The following MEIOB variants were observed in gnomAD, a reference collection of about 807,000 sequenced individuals.
MEIOB encodes the protein meiosis specific with OB-fold.
A neutral mutation model predicts 53.1 loss-of-function variants in MEIOB; 50 were observed. The ratio of observed to expected loss-of-function variants is 0.94; its 90% CI spans 0.75 to 1.19. MEIOB has a LOEUF of 1.19. Ranked by LOEUF, MEIOB falls within the 50% of genes most tolerant of loss-of-function variation. The pLI is 0.00. For missense variants in MEIOB, 551 were observed against 550.8 expected, an observed-to-expected ratio of 1.00 and a Z score of 0.00; for synonymous variants, 192 against 182.5, an observed-to-expected ratio of 1.05 and a Z score of -0.42.
chr16:1,859,003 A>G (rs1899377433), intron 5 of MEIOB, among the ~76,000 whole-genome samples: 1 of 152,180 alleles, frequency 6.6e-6, no homozygotes. Context: ...AAGACCTTTG[A>G]TCTCATGAGG....
chr16:1,847,801 G>A (rs1899063462), intron 9 of MEIOB, among the ~76,000 whole-genome samples: 1 of 152,008 alleles, frequency 6.6e-6, no homozygotes, highest in African/African-American at 2.4e-5. Flanking sequence ...GGCAGGGCAG[G>A]GACTGAAATA....
At chr16:1,852,500 A>T (rs1364595459) in intron 9 of MEIOB, among the ~76,000 whole-genome samples, 2 of 150,816 alleles carry the variant, frequency 1.3e-5, no homozygotes, top group Non-Finnish European at 3.0e-5. Context: ...TGACCTCGTG[A>T]GCAGCCCACC....
intron 1 of MEIOB, among the ~76,000 whole-genome samples, chr16:1,871,499 T>C (rs9928009): frequency 8.3e-6 from 1 of 120,278 alleles, no homozygotes; most frequent in Non-Finnish European, 1.6e-5. Context: ...GATTACAGGC[T>C]TGAGCCACCG....
chr16:1,849,020 C>T (rs559248997), intron 9 of MEIOB, among the ~76,000 whole-genome samples: 2 of 152,234 alleles, frequency 1.3e-5, no homozygotes, highest in South Asian at 4.1e-4. Context: ...CATGGTGGCT[C>T]AGGCCTGTAA....
chr16:1,868,351 G>C (rs916216317), intron 1 of MEIOB, among the ~76,000 whole-genome samples, 167 bp from the exon 2 acceptor site: 16 of 152,048 alleles, frequency 1.1e-4, no homozygotes, highest in African/African-American at 3.9e-4. Context: ...GAGGTCAGGA[G>C]TTCAAGACCA....
intron 9 of MEIOB, among the ~76,000 whole-genome samples, chr16:1,849,102 C>A (rs966253133): frequency 6.7e-6 from 1 of 148,366 alleles, no homozygotes; most frequent in Non-Finnish European, 1.5e-5. Context: ...CTGAGAAACA[C>A]TGCAAAACCC....
Position 1,857,702 on chromosome 16 carries a change from AT to A in MEIOB, c.528+32del, listed in dbSNP as rs753139771. ...CAAGTGACTGCACCTCCCCTGCCAGATTGCACTTGGCTTTGTCGGGGTTTTA... is the reference window on the plus strand; with the variant it reads ...CAAGTGACTGCACCTCCCCTGCCAGATGCACTTGGCTTTGTCGGGGTTTTA... On this transcript the variant is annotated intron_variant, in intron 6 of 13. Coordinates refer to ENST00000325962, the MANE Select transcript of MEIOB (RefSeq NM_001163560.3). The A allele has an allele frequency of 5.7e-5, 88 of 1,533,138 alleles. No individual in the cohort carries two copies. In the African/African-American group the frequency reaches 1.1e-3, roughly 20 times the overall value. The allele number at this position is 1,533,138 out of a possible 1,614,324, so 95.0% of individuals were successfully genotyped here.
At chr16:1,837,695 A>C (rs1898786637) in intron 13 of MEIOB, 89 bp downstream of exon 13, 1 of 679,462 alleles carries the variant, frequency 1.5e-6, no homozygotes, top group Non-Finnish European at 2.4e-6. Flanking sequence ...GAAATAATAA[A>C]TTCTCGAATT....
intron 10 of MEIOB, 48 bp from the exon 11 acceptor site, chr16:1,842,021 A>G (rs760353912): frequency 3.1e-6 from 4 of 1,285,526 alleles, no homozygotes; most frequent in African/African-American, 1.5e-5. Context: ...TCTAAAAAAT[A>G]TAAAAGGTTA....
At chr16:1,841,715 CCT>C (rs1437504353) in intron 11 of MEIOB, 103 bp downstream of exon 11, 5 of 760,676 alleles carry the variant, frequency 6.6e-6, no homozygotes, top group Non-Finnish European at 9.7e-6. Flanking sequence ...ATACATAACC[CCT>C]GTTACATCAA....
chr16:1,855,160 G>A (rs1364428917), intron 6 of MEIOB, among the ~76,000 whole-genome samples: 1 of 152,194 alleles, frequency 6.6e-6, no homozygotes, highest in Non-Finnish European at 1.5e-5. Flanking sequence ...GTGGCCGGGA[G>A]GGGTGGCTCA....
chr16:1,839,249 A>T lies in MEIOB; in HGVS notation c.1218+6T>A. ...TTCTAAACATTTCTTCCTTTTTGCT[A>T]TTTACCGTGCAGCCCAAAGTCTCCT... On this transcript the variant is annotated splice_donor_region_variant and intron_variant, in intron 12 of 13. Coordinates refer to ENST00000325962, the MANE Select transcript of MEIOB (RefSeq NM_001163560.3). 6.4e-7 allele frequency: 1 copy of T among 1,567,896 alleles called. No individual in the cohort carries two copies. The highest frequency in any genetic ancestry group is 1.4e-5 in the African/African-American group (1 of 72,742).
chr16:1,867,280 G>C (rs1347916710), intron 2 of MEIOB, among the ~76,000 whole-genome samples: 1 of 151,630 alleles, frequency 6.6e-6, no homozygotes, highest in East Asian at 1.9e-4. Flanking sequence ...TAACAGTCGA[G>C]ATGTGTTCAA....
rs185944051 is a variant in MEIOB, at chr16:1,843,554, T to A, written c.880+1308A>T. ...TCTCTACTAAAAATAAAAAATTAGC[T>A]GGGTGTAGCAGTGTGTGCCCGTAAT... On this transcript the variant is annotated intron_variant, in intron 10 of 13. Coordinates refer to ENST00000325962, the MANE Select transcript of MEIOB (RefSeq NM_001163560.3). 9 of 151,838 alleles carry A rather than the reference T, an allele frequency of 5.9e-5. No homozygotes were observed. The East Asian group carries it at 1.7e-3, about 29-fold the overall frequency. 9.4% of individuals were successfully genotyped at this position (151,838 alleles called of 1,614,324 possible). A position where few individuals can be genotyped will look rare whatever the true frequency, so the allele number is the denominator to read the frequency against.
chr16:1,857,999 C>T (rs529884757), intron 5 of MEIOB, 69 bp from the exon 6 acceptor site: 2 of 948,090 alleles, frequency 2.1e-6, no homozygotes, highest in Admixed American at 5.7e-5. Flanking sequence ...TCCAGGTCCA[C>T]ATTTAAACTA....
intron 9 of MEIOB, among the ~76,000 whole-genome samples, chr16:1,847,390 A>G (rs1596970840): frequency 6.6e-6 from 1 of 151,938 alleles, no homozygotes. Context: ...TGAACCCTGG[A>G]GGCGGAGGTT....
intron 5 of MEIOB, among the ~76,000 whole-genome samples, chr16:1,859,646 A>G (rs900979520): frequency 3.9e-5 from 6 of 152,190 alleles, no homozygotes; most frequent in Non-Finnish European, 8.8e-5. Flanking sequence ...GCTACAGAGA[A>G]ATGAGGCTTG....
At position 1,868,091 on chromosome 16, in the gene MEIOB, C is replaced by A. The variant is rs75627896; in HGVS notation, c.69+16G>T. The stretch of plus-strand genomic sequence containing the variant: ...AATGTCATCAGTAAGCAAATCACCA[C>A]ATTATTGAAACCTACCAGATTAGCC... On this transcript the variant is annotated intron_variant, in intron 2 of 13. Transcript: ENST00000325962. 300 of 1,377,258 alleles carry A rather than the reference C, an allele frequency of 2.2e-4. 3 individuals are homozygous for A. In the East Asian group the frequency reaches 7.4e-3, roughly 34 times the overall value. 85.3% of individuals were successfully genotyped at this position (1,377,258 alleles called of 1,614,324 possible).
intron 3 of MEIOB, among the ~76,000 whole-genome samples, chr16:1,863,063 T>C (rs1899487397): frequency 6.6e-6 from 1 of 151,914 alleles, no homozygotes; most frequent in Admixed American, 6.6e-5. Flanking sequence ...ACACCATCTC[T>C]ACAGAAAATT....
Sources: gnomAD v4.1 joint callset for allele counts (sites outside exome capture counted in the v4.1 genomes callset) on GRCh38, gnomAD v4.1.1 for gene constraint, MANE v1.5 for transcripts, NCBI Gene and HGNC (gene_info 2026-07-23, HGNC 2026-07-21) for gene names.